ABI1: variants seen among roughly 807,000 people sequenced by gnomAD.
ABI1 encodes the protein Abelson interactor 1.
Under a neutral mutation model 54.6 loss-of-function variants are expected in ABI1, and 14 were observed. The observed-to-expected ratio is 0.26, with a 90% CI of 0.17 to 0.40. The LOEUF (loss-of-function observed/expected upper bound fraction) is 0.40. Ranked by LOEUF, ABI1 falls within the 10% of genes least tolerant of loss-of-function variation. The pLI is 1.00. For missense variants in ABI1, 443 were observed against 598.3 expected, an observed-to-expected ratio of 0.74 and a Z score of 2.71; for synonymous variants, 194 against 209.3, an observed-to-expected ratio of 0.93 and a Z score of 0.63.
chr10:26,857,918 C>T (rs1002714033), intron 1 of ABI1, among the ~76,000 whole-genome samples: 2 of 151,492 alleles, frequency 1.3e-5, no homozygotes, highest in African/African-American at 2.4e-5. Context: ...AGATGTTTTG[C>T]TATTAATAAT....
chr10:26,775,511 T>C (rs1191536695), intron 3 of ABI1, among the ~76,000 whole-genome samples: 2 of 151,772 alleles, frequency 1.3e-5, no homozygotes, highest in Non-Finnish European at 2.9e-5. Flanking sequence ...CCCCCAACCC[T>C]GTGTCTAATG....
chr10:26,753,388 T>G (rs756241956), intron 9 of ABI1, among the ~76,000 whole-genome samples: 8 of 152,242 alleles, frequency 5.3e-5, no homozygotes, highest in Non-Finnish European at 1.2e-4. Context: ...TAATTTGGCT[T>G]AATGTGTAAA....
rs1218143408 is a variant in ABI1 at position 26,799,881 on chromosome 10, C to T, written c.286-22640G>A. Among the ~76,000 whole-genome samples the T allele has an allele frequency of 3.9e-5, 6 of 151,948 alleles. No individual in the cohort carries two copies. The South Asian group carries it at 6.2e-4, about 16-fold the overall frequency. On this transcript the variant is annotated intron_variant, in intron 2 of 10. Transcript: ENST00000376140. ...TTTCAAAATATTTTTAGGGACATCA[C>T]ATCTTGATGGGCATGCCAAGTTCTC...
intron 1 of ABI1, among the ~76,000 whole-genome samples, chr10:26,851,721 G>A: frequency 6.6e-6 from 1 of 151,816 alleles, no homozygotes; most frequent in East Asian, 1.9e-4. Flanking sequence ...GAGGAAGAAT[G>A]TCTCTCTTCC....
intron 8 of ABI1, among the ~76,000 whole-genome samples, chr10:26,758,625 C>T (rs1460850653): frequency 6.6e-6 from 1 of 152,082 alleles, no homozygotes; most frequent in Non-Finnish European, 1.5e-5. Flanking sequence ...ACGTTAATGA[C>T]CTTAAAAGTG....
chr10:26,822,185 CAT>C (rs1253314689), intron 2 of ABI1, among the ~76,000 whole-genome samples: 4 of 152,120 alleles, frequency 2.6e-5, no homozygotes, highest in Admixed American at 2.6e-4. Flanking sequence ...CATACACACA[CAT>C]ATATATGATC....
chr10:26,765,250 A>G lies in ABI1; in HGVS notation c.788T>C (p.Val263Ala). ...AATAGTGGGTGGCGAAGGTGTAGGC[A>G]CAGCAATGGGAATGCCAATACTACT... ...GSSSIGIPIAVPTPSPPTIGP... is the reference protein window; with the variant it reads ...GSSSIGIPIAAPTPSPPTIGP... The change falls in exon 7 of 11, where the codon GTG becomes GCG. Residue 263 changes from valine (V) to alanine (A), a missense_variant. Physicochemically the swap from Val to Ala is moderately conservative, Grantham distance 64. Coordinates refer to ENST00000376140, the MANE Select transcript of ABI1 (RefSeq NM_001012750.3). The G allele has an allele frequency of 6.2e-7, 1 of 1,606,654 alleles. No homozygotes were observed. The highest frequency in any genetic ancestry group is 2.2e-5 in the East Asian group (1 of 44,718).
At chr10:26,796,139 TG>T (rs974375001) in intron 2 of ABI1, among the ~76,000 whole-genome samples, 1 of 150,462 alleles carries the variant, frequency 6.6e-6, no homozygotes, top group African/African-American at 2.4e-5. Flanking sequence ...AATGAAACAG[TG>T]GTTACCATGG....
At chr10:26,755,230 G>A (rs1290675685) in intron 9 of ABI1, among the ~76,000 whole-genome samples, 1 of 152,126 alleles carries the variant, frequency 6.6e-6, no homozygotes, top group East Asian at 1.9e-4. Flanking sequence ...ATTAAGGGGG[G>A]AAAATCTGCC....
intron 1 of ABI1, among the ~76,000 whole-genome samples, chr10:26,844,739 T>A (rs1266145492): frequency 1.3e-5 from 2 of 152,270 alleles, no homozygotes; most frequent in Non-Finnish European, 2.9e-5. Flanking sequence ...ATTAGCTTTA[T>A]GCTAGGGGAA....
chr10:26,801,588 A>G (rs1306023857), intron 2 of ABI1, among the ~76,000 whole-genome samples: 1 of 152,134 alleles, frequency 6.6e-6, no homozygotes, highest in Non-Finnish European at 1.5e-5. Flanking sequence ...TACAGTATTT[A>G]GGGGCAATGA....
At chr10:26,789,788 A>T (rs181175907) in intron 2 of ABI1, among the ~76,000 whole-genome samples, 1 of 151,560 alleles carries the variant, frequency 6.6e-6, no homozygotes, top group Admixed American at 6.6e-5. Context: ...CCCACCTTTC[A>T]CCCTCCAGTA....
At chr10:26,845,485 C>T (rs1320536637) in intron 1 of ABI1, among the ~76,000 whole-genome samples, 2 of 151,658 alleles carry the variant, frequency 1.3e-5, no homozygotes, top group African/African-American at 4.8e-5. Context: ...TCTACTAAAG[C>T]TACAAATACT....
intron 2 of ABI1, among the ~76,000 whole-genome samples, chr10:26,803,669 A>G (rs2046701522): frequency 6.6e-6 from 1 of 152,232 alleles, no homozygotes; most frequent in Non-Finnish European, 1.5e-5. Flanking sequence ...ATTTTACACT[A>G]GAGTGTATCC....
At chr10:26,823,068 G>C in intron 2 of ABI1, 70 bp downstream of exon 2, 2 of 1,327,760 alleles carry the variant, frequency 1.5e-6, no homozygotes, top group Non-Finnish European at 2.1e-6. Context: ...ATACATGCAG[G>C]CTATTTACTT....
rs113157464 is a variant in ABI1 at position 26,822,609 on chromosome 10, AT to A, written c.285+528del. On this transcript the variant is annotated intron_variant, in intron 2 of 10. Coordinates refer to ENST00000376140, the MANE Select transcript of ABI1 (RefSeq NM_001012750.3). The stretch of plus-strand genomic sequence containing the variant: ...TAAAACATGCCAGACCAAAAAAAAA[AT>A]TAGTAAATACTATATGATTCCATTT... Among the ~76,000 whole-genome samples the A allele has an allele frequency of 3.4e-3, 520 of 151,840 alleles. 2 individuals are homozygous for A. The highest frequency in any genetic ancestry group is 0.011 in the African/African-American group (470 of 41,442).
intron 5 of ABI1, among the ~76,000 whole-genome samples, chr10:26,769,991 A>T (rs540205928): frequency 9.2e-5 from 14 of 152,360 alleles, no homozygotes; most frequent in African/African-American, 3.4e-4. Context: ...TTTAAAAATT[A>T]GATGACAAAA....
intron 3 of ABI1, among the ~76,000 whole-genome samples, chr10:26,773,429 G>A (rs1435626211): frequency 6.6e-6 from 1 of 151,282 alleles, no homozygotes; most frequent in Non-Finnish European, 1.5e-5. Context: ...CGAACTCCTG[G>A]CCTCAAGTGA....
intron 3 of ABI1, among the ~76,000 whole-genome samples, chr10:26,774,567 T>C (rs939579145): frequency 6.6e-5 from 10 of 152,148 alleles, no homozygotes; most frequent in Non-Finnish European, 1.3e-4. Context: ...TTCCCAAAAA[T>C]CGAACCAGAT....
Sources: allele counts gnomAD v4.1 joint callset (sites outside exome capture counted in the v4.1 genomes callset), GRCh38; gene constraint gnomAD v4.1.1; transcripts MANE v1.5; gene names NCBI Gene and HGNC (gene_info 2026-07-23, HGNC 2026-07-21).